Variants in NELL1 observed in about 807,000 individuals in gnomAD.
The protein encoded by NELL1 is protein kinase C-binding protein NELL1.
NELL1 carries 76 observed loss-of-function variants against 107.4 expected under a neutral mutation model. The observed-to-expected ratio is 0.71, with a 90% confidence interval of 0.59 to 0.86. The LOEUF is 0.86. NELL1 is among the 40% of genes least tolerant of loss of function. The pLI is 0.00. For missense variants in NELL1, 1,024 were observed against 1,005.5 expected (o/e 1.02, Z -0.25); for synonymous variants, 353 against 341.2 (o/e 1.03, Z -0.38).
intron 3 of NELL1, among the ~76,000 whole-genome samples, chr11:20,810,961 C>T (rs186475312): frequency 1.7e-3 from 260 of 152,056 alleles, no homozygotes; most frequent in Non-Finnish European, 3.1e-3. Context: ...GCTCTTTGCT[C>T]TGTTGATTGT....
chr11:20,786,810 C>T (rs1011773390), intron 3 of NELL1, among the ~76,000 whole-genome samples: 2 of 151,692 alleles, frequency 1.3e-5, no homozygotes, highest in Admixed American at 6.6e-5. Flanking sequence ...AGATCGAGAC[C>T]ATCCTGGCTA....
chr11:20,702,696 T>C (rs750813323), intron 2 of NELL1, among the ~76,000 whole-genome samples: 2 of 152,232 alleles, frequency 1.3e-5, no homozygotes, highest in Non-Finnish European at 1.5e-5. Context: ...CAATACCTAA[T>C]TTATTGAGAG....
intron 12 of NELL1, among the ~76,000 whole-genome samples, chr11:21,019,134 T>G (rs1163081935): frequency 6.6e-6 from 1 of 152,162 alleles, no homozygotes; most frequent in Non-Finnish European, 1.5e-5. Context: ...GGACAAATAC[T>G]TAACCTTTCT....
intron 14 of NELL1, among the ~76,000 whole-genome samples, chr11:21,353,990 AC>A (rs1427984034): frequency 6.6e-6 from 1 of 152,178 alleles, no homozygotes; most frequent in Non-Finnish European, 1.5e-5. Context: ...AATAATTAGT[AC>A]CTTTGAAGCA....
chr11:21,110,816 C>T (rs1384915057), intron 12 of NELL1, among the ~76,000 whole-genome samples: 1 of 152,128 alleles, frequency 6.6e-6, no homozygotes, highest in East Asian at 1.9e-4. Flanking sequence ...AATCAATTCT[C>T]TTCACTACAG....
rs188839156 is a variant in NELL1, at chr11:20,891,602, T to C, written c.603+6062T>C. Among the ~76,000 whole-genome samples, 5 of 152,264 alleles carry C rather than the reference T, an allele frequency of 3.3e-5. No individual in the cohort carries two copies. In the East Asian group the frequency reaches 5.8e-4, roughly 18 times the overall value. ...AAGGAGTCAAGACCAATCGGTATGC[T>C]GTATTCAGGAGATCCATCTTACATG... On this transcript the variant is annotated intron_variant, in intron 5 of 19. Transcript: ENST00000357134.
chr11:20,765,328 A>G (rs535738057), intron 2 of NELL1, among the ~76,000 whole-genome samples: 4 of 152,328 alleles, frequency 2.6e-5, no homozygotes, highest in African/African-American at 9.6e-5. Context: ...AGGATTACCA[A>G]TGGATTACCA....
In NELL1 at chr11:21,570,916, T is replaced by G. The variant is rs1484675623; in HGVS notation, c.2133T>G (p.His711Gln). ...KLYRSGDNWT[H>Q]SCQQCRCLEG... ...ATCGAAGTGGAGACAATTGGACCCA[T>G]AGCTGTCAGCAGTGTCGGTGTCTGG... Residue 711 changes from histidine to glutamine, a missense_variant, in exon 18 of 20, where the codon CAT becomes CAG. By Grantham distance (24) the His-to-Gln change is conservative (BLOSUM62 0). Coordinates refer to ENST00000357134, the MANE Select transcript of NELL1 (RefSeq NM_006157.5). 1 of 1,611,576 alleles carries G rather than the reference T, an allele frequency of 6.2e-7. No individual in the cohort carries two copies.
intron 12 of NELL1, among the ~76,000 whole-genome samples, chr11:20,999,183 T>C (rs2134269908): frequency 6.6e-6 from 1 of 152,318 alleles, no homozygotes; most frequent in Non-Finnish European, 1.5e-5. Flanking sequence ...AGAAACCCTG[T>C]CATGGCAGAA....
intron 13 of NELL1, among the ~76,000 whole-genome samples, chr11:21,219,698 A>G (rs1857705382): frequency 6.6e-6 from 1 of 152,156 alleles, no homozygotes; most frequent in Non-Finnish European, 1.5e-5. Context: ...TGCATTATGA[A>G]TATCCAGTTT....
intron 14 of NELL1, among the ~76,000 whole-genome samples, chr11:21,288,199 T>C (rs927457631): frequency 6.6e-6 from 1 of 152,074 alleles, no homozygotes; most frequent in African/African-American, 2.4e-5. Context: ...AGTAGGGAAC[T>C]GGAAGAGCTA....
At chr11:20,748,871 A>G (rs1856063935) in intron 2 of NELL1, among the ~76,000 whole-genome samples, 1 of 137,726 alleles carries the variant, frequency 7.3e-6, no homozygotes, top group Non-Finnish European at 1.5e-5. Flanking sequence ...AGCATATTCT[A>G]TCATCCATCC....
In NELL1 at chr11:21,370,956, A is replaced by G. The variant is rs934384381; in HGVS notation, c.1645+8A>G. ...GAAGCCACTGCGAGAAAGGTAATCT[A>G]GCTTGTTTTATGGGGGATAGGGACA... On this transcript the variant is annotated splice_region_variant and intron_variant, in intron 15 of 19. Transcript: ENST00000357134. The G allele has an allele frequency of 6.2e-7, 1 of 1,601,676 alleles. No homozygotes were observed.
chr11:20,736,878 C>A (rs1855774007), intron 2 of NELL1, among the ~76,000 whole-genome samples: 1 of 151,922 alleles, frequency 6.6e-6, no homozygotes, highest in Non-Finnish European at 1.5e-5. Flanking sequence ...CCTCAGCCTC[C>A]CGAGTAGCTG....
intron 12 of NELL1, among the ~76,000 whole-genome samples, chr11:21,081,225 C>G (rs1181658300): frequency 5.9e-5 from 9 of 152,136 alleles, no homozygotes; most frequent in African/African-American, 1.9e-4. Flanking sequence ...CACCAACCCC[C>G]TTCTTGAGAC....
chr11:20,918,548 G>A (rs555188805), intron 6 of NELL1, among the ~76,000 whole-genome samples: 45 of 152,040 alleles, frequency 3.0e-4, no homozygotes, highest in African/African-American at 7.2e-4. Flanking sequence ...GGGAGGCCTC[G>A]CAATCATAGT....
At chr11:20,697,117 C>T (rs1025601860) in intron 2 of NELL1, among the ~76,000 whole-genome samples, 4 of 152,070 alleles carry the variant, frequency 2.6e-5, no homozygotes, top group South Asian at 2.1e-4. Flanking sequence ...AACAAATTAG[C>T]GATGGTGCCG....
At chr11:21,021,025 A>ACAC (rs1253997223) in intron 12 of NELL1, among the ~76,000 whole-genome samples, 1 of 147,732 alleles carries the variant, frequency 6.8e-6, no homozygotes, top group Non-Finnish European at 1.5e-5. Context: ...ACACACACAC[A>ACAC]CACACACACA....
chr11:20,692,614 C>A (rs1854498498), intron 2 of NELL1, among the ~76,000 whole-genome samples: 1 of 150,934 alleles, frequency 6.6e-6, no homozygotes, highest in South Asian at 2.1e-4. Flanking sequence ...GTTTCTTAAT[C>A]CTGAGTTCTA....
Sources: gnomAD v4.1 joint callset for allele counts (sites outside exome capture counted in the v4.1 genomes callset) on GRCh38, gnomAD v4.1.1 for gene constraint, MANE v1.5 for transcripts, NCBI Gene and HGNC (gene_info 2026-07-23, HGNC 2026-07-21) for gene names.